The following ADAM10 variants were observed in gnomAD, a reference collection of about 807,000 sequenced individuals.
The protein encoded by ADAM10 is ADAM metallopeptidase domain 10.
A neutral mutation model predicts 90.1 loss-of-function variants in ADAM10; 17 were observed. The observed-to-expected ratio is 0.19, with a 90% CI of 0.13 to 0.28. The LOEUF (loss-of-function observed/expected upper bound fraction) is 0.28. Among genes scored for constraint, ADAM10 ranks in the 10% least tolerant of loss-of-function variants. ADAM10 has a pLI of 1.00. For synonymous variants in ADAM10, 310 were observed against 298.6 expected (o/e 1.04, Z -0.40); for missense variants, 610 against 914.3 (o/e 0.67, Z 4.29).
intron 9 of ADAM10, among the ~76,000 whole-genome samples, chr15:58,630,200 G>T (rs1596008151): frequency 6.6e-6 from 1 of 152,218 alleles, no homozygotes. Flanking sequence ...CATCTAGGCT[G>T]CTTAAAACTT....
chr15:58,650,446 C>T (rs1309847705), intron 5 of ADAM10, among the ~76,000 whole-genome samples: 1 of 152,166 alleles, frequency 6.6e-6, no homozygotes, highest in Admixed American at 6.5e-5. Flanking sequence ...AGAGACTGAA[C>T]ATTTTATAAT....
rs2140979356 is a variant in ADAM10, at chr15:58,591,694, C to G, written c.*5853G>C. 6.6e-6 allele frequency: 1 copy of G among 152,306 alleles called. No homozygotes were observed. The highest frequency in any genetic ancestry group is 2.4e-5 in the African/African-American group (1 of 41,556). The allele number at this position is 152,306 out of a possible 1,614,324, so 9.4% of individuals were successfully genotyped here. ...CAGCCAATCTTGTTTCAACTATATC[C>G]ACACACACCAGCCAACTTCAATCCT... is the stretch of plus-strand genomic sequence containing the variant. On this transcript the variant is annotated 3_prime_UTR_variant, in exon 16 of 16. Transcript: ENST00000260408.
intron 9 of ADAM10, among the ~76,000 whole-genome samples, chr15:58,629,090 AGAAAG>A (rs1210016594): frequency 6.6e-6 from 1 of 152,244 alleles, no homozygotes; most frequent in Non-Finnish European, 1.5e-5. Context: ...TTAGAGTTTT[AGAAAG>A]GAAAGAAAAA....
chr15:58,693,663 T>C (rs780269860), intron 2 of ADAM10, among the ~76,000 whole-genome samples: 8 of 151,540 alleles, frequency 5.3e-5, no homozygotes, highest in African/African-American at 9.7e-5. Flanking sequence ...TGGTAGTCAA[T>C]GCTACCTTAA....
intron 2 of ADAM10, among the ~76,000 whole-genome samples, chr15:58,711,546 A>G (rs1296054014): frequency 6.6e-6 from 1 of 152,188 alleles, no homozygotes. Context: ...TCCAATACAT[A>G]TATAAAATCA....
intron 8 of ADAM10, among the ~76,000 whole-genome samples, chr15:58,634,228 G>C (rs1424553281): frequency 6.6e-6 from 1 of 151,804 alleles, no homozygotes; most frequent in Non-Finnish European, 1.5e-5. Flanking sequence ...CCTGAACCCA[G>C]GAGGTGGAAG....
At position 58,665,114 on chromosome 15, in the gene ADAM10, C is replaced by A. The variant is rs181371446; in HGVS notation, c.568G>T (p.Val190Leu). ...ERMRKYQMTG[V>L]EEVTQIPQEE... The stretch of plus-strand genomic sequence containing the variant: ...ATCCTTACCTGTGTTACTTCCTCTA[C>A]ACCAGTCATCTGGTATTTCCTCATT... Residue 190 changes from valine (V) to leucine (L), a missense_variant, in exon 5 of 16, where the codon GTA (valine) becomes TTA (leucine). Transcript: ENST00000260408. 4.0e-5 allele frequency: 65 copies of A among 1,611,394 alleles called. 1 individual carries two copies. In the African/African-American group the frequency reaches 8.0e-4, roughly 20 times the overall value.
chr15:58,647,247 T>TC lies in ADAM10; in HGVS notation c.586-1044_586-1043insG, dbSNP rs1566979034. 4.1e-3 allele frequency among the ~76,000 whole-genome samples: 345 copies of TC among 84,818 alleles called. 7 individuals carry two copies. The highest frequency in any genetic ancestry group is 0.021 in the African/African-American group (332 of 15,472). The allele number at this position is 84,818 out of a possible 152,430, so 55.6% of individuals were successfully genotyped here. Reference sequence around the variant, plus strand: ...TTGGCAGCAAAGAGTAGACACTAAGTATTTTTTTTTTTTTTTTTTTTTTTT... The same window carrying TC: ...TTGGCAGCAAAGAGTAGACACTAAGTCATTTTTTTTTTTTTTTTTTTTTTTT... On this transcript the variant is annotated intron_variant, in intron 5 of 15. Transcript: ENST00000260408.
Position 58,621,605 on chromosome 15 carries a change from A to T in ADAM10, c.1377T>A (p.Ile459=), listed in dbSNP as rs1337846975. 2 of 1,613,946 alleles carry T rather than the reference A, an allele frequency of 1.2e-6. No individual in the cohort carries two copies. Among genetic ancestry groups the T allele is most frequent in the East Asian group, 4.5e-5 (2 of 44,888 alleles). The change falls in exon 11 of 16, where the codon ATT becomes ATA. Residue 459 remains isoleucine, a synonymous_variant. Transcript: ENST00000260408. The part of the protein sequence containing the change: ...NNCFVESGQP[I]CGNGMVEQGE... ...CTTGTTCTACCATTCCATTTCCACA[A>T]ATAGGTTGGCCAGATTCTGAGGAAA...
At chr15:58,618,419 GA>G (rs1895682529) in intron 11 of ADAM10, among the ~76,000 whole-genome samples, 1 of 152,038 alleles carries the variant, frequency 6.6e-6, no homozygotes, top group Non-Finnish European at 1.5e-5. Context: ...ACTACTAAAA[GA>G]AAACATTGGG....
At chr15:58,710,835 C>G (rs779261388) in intron 2 of ADAM10, among the ~76,000 whole-genome samples, 1 of 152,210 alleles carries the variant, frequency 6.6e-6, no homozygotes, top group Non-Finnish European at 1.5e-5. Context: ...ATTCTTACCT[C>G]TGCTTCTCAA....
chr15:58,644,041 T>C (rs976430305), intron 6 of ADAM10, 63 bp from the exon 7 acceptor site: 5 of 1,285,740 alleles, frequency 3.9e-6, no homozygotes, highest in Non-Finnish European at 5.6e-6. Flanking sequence ...ATTATAAATT[T>C]CCATTTCCAA....
chr15:58,716,506 C>G (rs532383962), intron 2 of ADAM10, among the ~76,000 whole-genome samples: 35 of 152,298 alleles, frequency 2.3e-4, no homozygotes, highest in African/African-American at 8.4e-4. Context: ...ATGGTATATT[C>G]ACAGACTAGA....
intron 2 of ADAM10, chr15:58,691,074 G>A (rs182726121): frequency 2.4e-5 from 15 of 622,036 alleles, no homozygotes; most frequent in African/African-American, 7.2e-5. Flanking sequence ...AAATGCCTGC[G>A]CTTTCATGAT....
At chr15:58,648,807 A>C (rs1170075815) in intron 5 of ADAM10, among the ~76,000 whole-genome samples, 1 of 152,148 alleles carries the variant, frequency 6.6e-6, no homozygotes, top group African/African-American at 2.4e-5. Flanking sequence ...ATGGAGAACT[A>C]AACTTTTTAT....
intron 3 of ADAM10, among the ~76,000 whole-genome samples, chr15:58,681,782 T>C (rs919758123): frequency 1.3e-5 from 2 of 152,154 alleles, no homozygotes; most frequent in Non-Finnish European, 2.9e-5. Context: ...TTGGGAGGAT[T>C]TTCCTACAGA....
intron 4 of ADAM10, among the ~76,000 whole-genome samples, chr15:58,674,866 A>G (rs763506811): frequency 6.6e-6 from 1 of 152,240 alleles, no homozygotes; most frequent in Non-Finnish European, 1.5e-5. Flanking sequence ...CACACATTCT[A>G]AAGTAGGGGT....
chr15:58,641,517 C>T lies in ADAM10; in HGVS notation c.829-557G>A, dbSNP rs539579608. ...ACTAACTGCAAATTTATTTTTTTTT[C>T]CTGAATGTGGGCAAGAATTTTGCTA... On this transcript the variant is annotated intron_variant, in intron 7 of 15. Coordinates refer to ENST00000260408, the MANE Select transcript of ADAM10 (RefSeq NM_001110.4). Among the ~76,000 whole-genome samples, 229 of 151,676 alleles carry T rather than the reference C, an allele frequency of 1.5e-3. 1 individual carries two copies. The highest frequency in any genetic ancestry group is 5.2e-3 in the African/African-American group (214 of 41,406).
chr15:58,645,953 T>C (rs1250752620), intron 6 of ADAM10, 102 bp downstream of exon 6: 2 of 1,313,440 alleles, frequency 1.5e-6, no homozygotes, highest in Non-Finnish European at 2.2e-6. Context: ...AAACACATAC[T>C]TTTTCCCAAA....
Sources: allele counts gnomAD v4.1 joint callset (sites outside exome capture counted in the v4.1 genomes callset), GRCh38; gene constraint gnomAD v4.1.1; transcripts MANE v1.5; gene names NCBI Gene and HGNC (gene_info 2026-07-23, HGNC 2026-07-21).